The following ABHD3 variants were observed in gnomAD, a reference collection of about 807,000 sequenced individuals.
The protein encoded by ABHD3 is abhydrolase domain containing 3, phospholipase.
ABHD3 carries 46 observed loss-of-function variants against 48.8 expected under a neutral mutation model. The observed-to-expected ratio is 0.94, with a 90% CI of 0.74 to 1.20. The LOEUF is 1.20. ABHD3 is among the 50% of genes most tolerant of loss of function. The pLI, the probability that ABHD3 is intolerant of heterozygous loss-of-function variation, is 0.00. For missense variants in ABHD3, 490 were observed against 497.8 expected, an observed-to-expected ratio of 0.98 and a Z score of 0.15; for synonymous variants, 192 against 183.7, an observed-to-expected ratio of 1.04 and a Z score of -0.36.
chr18:21,704,251 G>C lies in ABHD3; in HGVS notation c.162+253C>G, dbSNP rs578118491. Reference sequence around the variant, plus strand: ...GCCGCCGGCTTCGCGATCGGTGACCGGGCAGCGCCGCAGCGCAGAAGTCAG... The same window carrying C: ...GCCGCCGGCTTCGCGATCGGTGACCCGGCAGCGCCGCAGCGCAGAAGTCAG... On this transcript the variant is annotated intron_variant, in intron 1 of 8. Transcript: ENST00000289119. Among the ~76,000 whole-genome samples, 113 of 152,308 alleles carry C rather than the reference G, an allele frequency of 7.4e-4. 3 individuals are homozygous for C. In the South Asian group the frequency reaches 0.023, roughly 31 times the overall value.
chr18:21,692,595 G>A (rs1310698043), intron 3 of ABHD3, among the ~76,000 whole-genome samples: 2 of 152,136 alleles, frequency 1.3e-5, no homozygotes, highest in African/African-American at 4.8e-5. Flanking sequence ...CAAAACCAGT[G>A]GGCACAAGGG....
intron 4 of ABHD3, among the ~76,000 whole-genome samples, chr18:21,669,442 T>A (rs1466674152): frequency 1.3e-5 from 2 of 152,106 alleles, no homozygotes; most frequent in Admixed American, 6.6e-5. Context: ...AAAAGTTTTG[T>A]CTTAGGCTTG....
intron 4 of ABHD3, among the ~76,000 whole-genome samples, chr18:21,679,235 T>C (rs994812029): frequency 4.6e-5 from 7 of 152,206 alleles, no homozygotes; most frequent in African/African-American, 1.4e-4. Flanking sequence ...TATGAAACAG[T>C]AATTGTTCTT....
chr18:21,698,213 T>G (rs2040429074), intron 3 of ABHD3, among the ~76,000 whole-genome samples: 1 of 151,200 alleles, frequency 6.6e-6, no homozygotes, highest in Non-Finnish European at 1.5e-5. Context: ...TGAGATGGAG[T>G]TTTGCTCTGT....
At chr18:21,695,957 A>G (rs774811377) in intron 3 of ABHD3, among the ~76,000 whole-genome samples, 1 of 152,186 alleles carries the variant, frequency 6.6e-6, no homozygotes, top group African/African-American at 2.4e-5. Flanking sequence ...TTACAACTGT[A>G]TAATTCTGGA....
At chr18:21,691,511 C>T (rs919661060) in intron 3 of ABHD3, among the ~76,000 whole-genome samples, 1 of 152,134 alleles carries the variant, frequency 6.6e-6, no homozygotes, top group African/African-American at 2.4e-5. Context: ...AACAAATGAA[C>T]ATAATTCACG....
At position 21,695,342 on chromosome 18, in the gene ABHD3, T is replaced by C. The variant is rs566017633; in HGVS notation, c.509+6974A>G. Among the ~76,000 whole-genome samples the C allele has an allele frequency of 3.3e-5, 5 of 152,332 alleles. No individual in the cohort carries two copies. The East Asian group carries it at 9.6e-4, about 29-fold the overall frequency. On this transcript the variant is annotated intron_variant, in intron 3 of 8. Coordinates refer to ENST00000289119, the MANE Select transcript of ABHD3 (RefSeq NM_138340.5). Reference sequence around the variant, plus strand: ...ATCATGCATGGCCAAGATTTAATTTTCAAGCTTCCCTTGCAGCCAAGAGCG... The same window carrying C: ...ATCATGCATGGCCAAGATTTAATTTCCAAGCTTCCCTTGCAGCCAAGAGCG...
intron 3 of ABHD3, among the ~76,000 whole-genome samples, chr18:21,699,390 C>A (rs976373145): frequency 1.3e-5 from 2 of 152,196 alleles, no homozygotes; most frequent in Non-Finnish European, 2.9e-5. Context: ...ACCCTGTTAT[C>A]TGCTAGATCC....
At position 21,703,715 on chromosome 18, in the gene ABHD3, G is replaced by A; in HGVS notation, c.195C>T (p.Phe65=). The A allele has an allele frequency of 6.2e-7, 1 of 1,614,038 alleles. No homozygotes were observed. The highest frequency in any genetic ancestry group is 1.1e-5 in the South Asian group (1 of 91,086). ...GACAGTGGTCTTGAAGGAAGCGGCT[G>A]AAACTCTCACCCCCGGTCACTAACT... ...KPQLVTGGES[F]SRFLQDHCPV... The change falls in exon 2 of 9, where the codon TTC becomes TTT. Residue 65 remains phenylalanine, a synonymous_variant. Transcript: ENST00000289119.
chr18:21,662,551 A>G (rs557785042), intron 5 of ABHD3, among the ~76,000 whole-genome samples: 2 of 152,338 alleles, frequency 1.3e-5, no homozygotes, highest in South Asian at 4.1e-4. Context: ...GGGGCATCAT[A>G]GGCTCTATCA....
chr18:21,670,813 G>A (rs1407498272), intron 4 of ABHD3, among the ~76,000 whole-genome samples: 2 of 152,106 alleles, frequency 1.3e-5, no homozygotes, highest in South Asian at 2.1e-4. Flanking sequence ...TCAGGAGTTC[G>A]AGACCAGTCT....
intron 6 of ABHD3, among the ~76,000 whole-genome samples, chr18:21,658,824 A>C (rs1239813966): frequency 6.7e-6 from 1 of 149,412 alleles, no homozygotes; most frequent in Non-Finnish European, 1.5e-5. Flanking sequence ...GCATGTAATC[A>C]TTTGGAGACA....
chr18:21,704,626 C>T lies in ABHD3; in HGVS notation c.40G>A (p.Glu14Lys), dbSNP rs1162706418. The change falls in exon 1 of 9, where the codon GAG (glutamate) becomes AAG (lysine). Residue 14 changes from glutamate to lysine, a missense_variant. Coordinates refer to ENST00000289119, the MANE Select transcript of ABHD3 (RefSeq NM_138340.5). The stretch of plus-strand genomic sequence containing the variant: ...TGGTGTTCCAGGTAGAGGGAGAGCT[C>T]CCGGGACAACATCCGCAGGTCCATG... ...LAMDLRMLSR[E>K]LSLYLEHQVR... is the part of the protein sequence containing the mutation. The T allele has an allele frequency of 1.9e-6, 3 of 1,547,442 alleles. No homozygotes were observed. Among genetic ancestry groups the T allele is most frequent in the Non-Finnish European group, 2.6e-6 (3 of 1,149,884 alleles).
intron 4 of ABHD3, among the ~76,000 whole-genome samples, chr18:21,680,048 C>G (rs953335843): frequency 6.6e-6 from 1 of 152,036 alleles, no homozygotes; most frequent in African/African-American, 2.4e-5. Context: ...GAGTCTTGCT[C>G]TGTCGTCCAG....
rs2039263699 is a variant in ABHD3, at chr18:21,653,077, A to AAAGAAAG, written c.1058-1315_1058-1314insCTTTCTT. ...CAAAAAAAAAAAAAAAAAAAAAAAAAAAAGAGCTGGGTGTGGTGGCTCACG... is the reference window on the plus strand; with the variant it reads ...CAAAAAAAAAAAAAAAAAAAAAAAAAAAGAAAGAAAGAGCTGGGTGTGGTGGCTCACG... On this transcript the variant is annotated intron_variant, in intron 8 of 8. Transcript: ENST00000289119. Among the ~76,000 whole-genome samples, 7 of 76,156 alleles carry AAAGAAAG rather than the reference A, an allele frequency of 9.2e-5. 3 individuals carry two copies. The highest frequency in any genetic ancestry group is 4.9e-4 in the African/African-American group (7 of 14,270). 50.0% of individuals were successfully genotyped at this position (76,156 alleles called of 152,430 possible).
intron 4 of ABHD3, among the ~76,000 whole-genome samples, chr18:21,674,230 CTTT>C (rs200116215): frequency 0.022 from 3,358 of 149,802 alleles, 138 homozygotes; most frequent in Admixed American, 0.11. Context: ...AACATTCTTT[CTTT>C]TATTTTGAAC....
chr18:21,670,501 T>C (rs1340158410), intron 4 of ABHD3, among the ~76,000 whole-genome samples: 1 of 152,256 alleles, frequency 6.6e-6, no homozygotes, highest in East Asian at 1.9e-4. Context: ...CACTGCCTAC[T>C]GAATTAAGCC....
At chr18:21,682,549 C>A (rs2040027381) in intron 4 of ABHD3, 1 of 152,232 alleles carries the variant, frequency 6.6e-6, no homozygotes, top group South Asian at 2.1e-4. Flanking sequence ...AAAGTTTGAG[C>A]TCCTAAAGAT....
intron 3 of ABHD3, 59 bp from the exon 4 acceptor site, chr18:21,684,024 ATAT>A: frequency 2.0e-6 from 3 of 1,464,612 alleles, no homozygotes; most frequent in Non-Finnish European, 2.8e-6. Flanking sequence ...TCATGATATA[ATAT>A]TAAAGTCATC....
Sources: gnomAD v4.1 joint callset for allele counts (sites outside exome capture counted in the v4.1 genomes callset) on GRCh38, gnomAD v4.1.1 for gene constraint, MANE v1.5 for transcripts, NCBI Gene and HGNC (gene_info 2026-07-23, HGNC 2026-07-21) for gene names.